The following SUMO3 variants were observed in gnomAD, a reference collection of about 807,000 sequenced individuals.
SUMO3 encodes the protein small ubiquitin-related modifier 3.
SUMO3 carries 2 observed loss-of-function variants against 11.1 expected under a neutral mutation model. That is an observed-to-expected ratio of 0.18 (90% CI 0.07 to 0.57). The LOEUF is 0.57. SUMO3 is among the 20% of genes least tolerant of loss of function. The pLI is 0.92. For missense variants in SUMO3, 70 were observed against 132.8 expected (o/e 0.53, Z 2.32); for synonymous variants, 56 against 53.5 (o/e 1.05, Z -0.20).
In SUMO3 at chr21:44,808,241, G is replaced by A. The variant is rs532820884; in HGVS notation, c.222+806C>T. On this transcript the variant is annotated intron_variant, in intron 3 of 3. Coordinates refer to ENST00000332859, the MANE Select transcript of SUMO3 (RefSeq NM_006936.3). ...AAAAAACTCTGTTTCGGCCGGGCGCGTTGGCTCATGCCTTTAATCCCAGCA... is the reference window on the plus strand; with the variant it reads ...AAAAAACTCTGTTTCGGCCGGGCGCATTGGCTCATGCCTTTAATCCCAGCA... 158 of 261,074 alleles carry A rather than the reference G, an allele frequency of 6.1e-4. 1 individual carries two copies. The South Asian group carries it at 8.2e-3, about 13-fold the overall frequency. The allele number at this position is 261,074 out of a possible 1,614,324, so 16.2% of individuals were successfully genotyped here.
At chr21:44,815,807 G>T (rs748686313) in intron 1 of SUMO3, among the ~76,000 whole-genome samples, 34 of 57,578 alleles carry the variant, frequency 5.9e-4, no homozygotes, top group Admixed American at 2.4e-3. Flanking sequence ...ACAGAATGAC[G>T]ATCTGTCCCA....
In SUMO3 at chr21:44,815,195, G is replaced by A. The variant is rs141072860; in HGVS notation, c.22-1091C>T. On this transcript the variant is annotated intron_variant, in intron 1 of 3. Transcript: ENST00000332859. ...GGCTGGGAGAGGGACAACTGTCCCAGCGATGCCTAAATACAGGGAGTGGGA... is the reference window on the plus strand; with the variant it reads ...GGCTGGGAGAGGGACAACTGTCCCAACGATGCCTAAATACAGGGAGTGGGA... Among the ~76,000 whole-genome samples the A allele has an allele frequency of 7.2e-3, 1,097 of 152,340 alleles. 11 individuals carry two copies. The highest frequency in any genetic ancestry group is 0.025 in the African/African-American group (1,045 of 41,574).
In SUMO3 at chr21:44,811,411, A is replaced by C. The variant is rs564074101; in HGVS notation, c.151-2293T>G. Among the ~76,000 whole-genome samples the C allele has an allele frequency of 6.6e-6, 1 of 152,230 alleles. No homozygotes were observed. The highest frequency in any genetic ancestry group is 2.4e-5 in the African/African-American group (1 of 41,532). On this transcript the variant is annotated intron_variant, in intron 2 of 3. Transcript: ENST00000332859. The surrounding 1 kb of genome is among the most constrained non-coding windows in gnomAD (Gnocchi z 5.0). ...CCACATAAGGAGACCCCATCTCCAC[A>C]AAATAAAAAAATGAGCCAGGCGTGG... is the stretch of plus-strand genomic sequence containing the variant.
chr21:44,817,715 G>A (rs1224743183), intron 1 of SUMO3, among the ~76,000 whole-genome samples: 1 of 150,454 alleles, frequency 6.6e-6, no homozygotes, highest in East Asian at 2.0e-4. Context: ...GACGGGCGTG[G>A]AGCGGAGGCG....
intron 2 of SUMO3, among the ~76,000 whole-genome samples, chr21:44,812,075 T>TTTG (rs2083215773): frequency 6.9e-6 from 1 of 144,688 alleles, no homozygotes; most frequent in Non-Finnish European, 1.5e-5. Flanking sequence ...TTTTTTTTTT[T>TTTG]TGAGACAGGG....
At position 44,810,348 on chromosome 21, in the gene SUMO3, C is replaced by G. The variant is rs2083202862; in HGVS notation, c.151-1230G>C. On this transcript the variant is annotated intron_variant, in intron 2 of 3. Transcript: ENST00000332859. The surrounding 1 kb of genome is among the most constrained non-coding windows in gnomAD (Gnocchi z 4.1). Reference sequence around the variant, plus strand: ...CACTGGTGGTCTGATGGACACTGGACCAGGATCCTAGGGCGGAGGGACTGG... The same window carrying G: ...CACTGGTGGTCTGATGGACACTGGAGCAGGATCCTAGGGCGGAGGGACTGG... Among the ~76,000 whole-genome samples, 1 of 152,132 alleles carries G rather than the reference C, an allele frequency of 6.6e-6. No individual in the cohort carries two copies. Among genetic ancestry groups the G allele is most frequent in the Non-Finnish European group, 1.5e-5 (1 of 68,012 alleles).
In SUMO3 at chr21:44,817,987, G is replaced by T. The variant is rs1327318046; in HGVS notation, c.-19C>A. On this transcript the variant is annotated 5_prime_UTR_variant, in exon 1 of 4. Transcript: ENST00000332859. ...CGGACATGGCTGCGCGAGCGGCGCGGGGAGGCGGCGCGGGGGAAGCAGCGC... is the reference window on the plus strand; with the variant it reads ...CGGACATGGCTGCGCGAGCGGCGCGTGGAGGCGGCGCGGGGGAAGCAGCGC... 1.7e-6 allele frequency: 2 copies of T among 1,158,466 alleles called. No individual in the cohort carries two copies. The highest frequency in any genetic ancestry group is 8.8e-5 in the South Asian group (2 of 22,846). 71.8% of individuals were successfully genotyped at this position (1,158,466 alleles called of 1,614,324 possible). A position where few individuals can be genotyped will look rare whatever the true frequency, so the allele number is the denominator to read the frequency against.
rs557082762 is a variant in SUMO3, at chr21:44,806,916, G to T, written c.*35C>A. 1.2e-6 allele frequency: 2 copies of T among 1,613,624 alleles called. No individual in the cohort carries two copies. The highest frequency in any genetic ancestry group is 2.7e-5 in the African/African-American group (2 of 75,018). ...CACGTGCTCACCATTCAACAGCAAT[G>T]CGAGGATGGACGGCCCGGGCTGGGG... is the stretch of plus-strand genomic sequence containing the variant. On this transcript the variant is annotated 3_prime_UTR_variant, in exon 4 of 4. Coordinates refer to ENST00000332859, the MANE Select transcript of SUMO3 (RefSeq NM_006936.3).
chr21:44,818,037 C>CCCCGCCGCTCT lies in SUMO3; in HGVS notation c.-80_-70dup, dbSNP rs1355406613. ...CGGAGCGGGCGAGTCACGCTCTCGG[C>CCCCGCCGCTCT]CCCGCCGCTCTCCCGCCGCAACTGT... On this transcript the variant is annotated 5_prime_UTR_variant, in exon 1 of 4. Transcript: ENST00000332859. 9.6e-5 allele frequency: 109 copies of CCCCGCCGCTCT among 1,135,108 alleles called. 1 individual carries two copies. Among genetic ancestry groups the CCCCGCCGCTCT allele is most frequent in the Non-Finnish European group, 1.2e-4 (106 of 915,968 alleles). The allele number at this position is 1,135,108 out of a possible 1,614,324, so 70.3% of individuals were successfully genotyped here. A position where few individuals can be genotyped will look rare whatever the true frequency, so the allele number is the denominator to read the frequency against.
At chr21:44,812,919 C>T (rs1161123528) in intron 2 of SUMO3, among the ~76,000 whole-genome samples, 2 of 152,240 alleles carry the variant, frequency 1.3e-5, no homozygotes, top group African/African-American at 4.8e-5. Flanking sequence ...GATCACGGGG[C>T]CTACACGGCG....
chr21:44,816,211 T>C (rs1253029432), intron 1 of SUMO3, among the ~76,000 whole-genome samples: 1 of 152,194 alleles, frequency 6.6e-6, no homozygotes, highest in Non-Finnish European at 1.5e-5. Context: ...TTTTATTACA[T>C]TTACTCTTCA....
At chr21:44,808,308 C>A (rs533978258) in intron 3 of SUMO3, 3 of 335,626 alleles carry the variant, frequency 8.9e-6, no homozygotes, top group East Asian at 4.8e-5. Context: ...GTCAGGAGAT[C>A]GAGACCATCC....
rs2083211323 is a variant in SUMO3, at chr21:44,811,280, A to G, written c.151-2162T>C. On this transcript the variant is annotated intron_variant, in intron 2 of 3. Transcript: ENST00000332859. The surrounding 1 kb of genome is among the most constrained non-coding windows in gnomAD (Gnocchi z 5.0). ...ATACTACTACCTTCAGAAAACAATCAATTGCTACTGAGGATGGGTGCGGTG... is the reference window on the plus strand; with the variant it reads ...ATACTACTACCTTCAGAAAACAATCGATTGCTACTGAGGATGGGTGCGGTG... Among the ~76,000 whole-genome samples, 1 of 152,210 alleles carries G rather than the reference A, an allele frequency of 6.6e-6. No homozygotes were observed. Among genetic ancestry groups the G allele is most frequent in the African/African-American group, 2.4e-5 (1 of 41,448 alleles).
At chr21:44,808,867 C>A (rs1007355329) in intron 3 of SUMO3, 180 bp downstream of exon 3, 2 of 698,262 alleles carry the variant, frequency 2.9e-6, no homozygotes, top group African/African-American at 1.8e-5. Context: ...GTCTGCAAAG[C>A]AGTTTTCTCA....
At position 44,810,810 on chromosome 21, in the gene SUMO3, C is replaced by G. The variant is rs116147368; in HGVS notation, c.151-1692G>C. The stretch of plus-strand genomic sequence containing the variant: ...AGAAGTCAGCCTGCGTGAGAGCAGT[C>G]AGGGAAAGGCTCACTGTGCAGCAGC... On this transcript the variant is annotated intron_variant, in intron 2 of 3. Transcript: ENST00000332859. The surrounding 1 kb of genome is among the most constrained non-coding windows in gnomAD (Gnocchi z 4.1). Among the ~76,000 whole-genome samples, 404 of 152,232 alleles carry G rather than the reference C, an allele frequency of 2.7e-3. 6 individuals are homozygous for G. Among genetic ancestry groups the G allele is most frequent in the African/African-American group, 8.6e-3 (357 of 41,542 alleles).
chr21:44,813,199 G>A (rs1046151251), intron 2 of SUMO3, among the ~76,000 whole-genome samples: 6 of 152,184 alleles, frequency 3.9e-5, no homozygotes, highest in Non-Finnish European at 8.8e-5. Flanking sequence ...TTTTCAAAGC[G>A]GCTGAAGAAA....
rs780223287 is a variant in SUMO3 at position 44,809,105 on chromosome 21, C to T, written c.164G>A (p.Arg55Lys). 6.2e-7 allele frequency: 1 copy of T among 1,614,054 alleles called. No individual in the cohort carries two copies. The highest frequency in any genetic ancestry group is 8.5e-7 in the Non-Finnish European group (1 of 1,179,990). The change falls in exon 3 of 4, where the codon AGG becomes AAG. Residue 55 changes from arginine to lysine, a missense_variant. Arg to Lys is a conservative substitution (Grantham distance 26). Transcript: ENST00000332859. ...AYCERQGLSMRQIRFRFDGQP... is the reference protein window; with the variant it reads ...AYCERQGLSMKQIRFRFDGQP... The stretch of plus-strand genomic sequence containing the variant: ...CCCGTCGAACCTGAATCTGATCTGC[C>T]TCATTGACAAGCCCTGGAAAGGAAA...
chr21:44,812,053 C>CTTTTTTTTTTT (rs386394862), intron 2 of SUMO3, among the ~76,000 whole-genome samples: 6 of 80,990 alleles, frequency 7.4e-5, no homozygotes, highest in Admixed American at 2.0e-4. Context: ...AACTTCTCAC[C>CTTTTTTTTTTT]TTTTTTTTTT....
rs1381586085 is a variant in SUMO3 at position 44,817,017 on chromosome 21, C to T, written c.21+931G>A. The stretch of plus-strand genomic sequence containing the variant: ...AGGGGTGGGCGCACACTGGGGGACG[C>T]GACGGGGAGGGGTGAGCACACACTG... On this transcript the variant is annotated intron_variant, in intron 1 of 3. Coordinates refer to ENST00000332859, the MANE Select transcript of SUMO3 (RefSeq NM_006936.3). 2.2e-4 allele frequency among the ~76,000 whole-genome samples: 17 copies of T among 76,132 alleles called. No individual in the cohort carries two copies. The East Asian group carries it at 5.8e-3, about 26-fold the overall frequency. 49.9% of individuals were successfully genotyped at this position (76,132 alleles called of 152,430 possible). A position where few individuals can be genotyped will look rare whatever the true frequency, so the allele number is the denominator to read the frequency against.
Sources: gnomAD v4.1 joint callset for allele counts (sites outside exome capture counted in the v4.1 genomes callset) on GRCh38, gnomAD v4.1.1 for gene constraint, Gnocchi (gnomAD v3.1) non-coding constraint, MANE v1.5 for transcripts, NCBI Gene and HGNC (gene_info 2026-07-23, HGNC 2026-07-21) for gene names.